UNC5C: variants seen among roughly 807,000 people sequenced by gnomAD.
UNC5C encodes the protein unc-5 netrin receptor C, also known as netrin receptor UNC5C.
A neutral mutation model predicts 99.8 loss-of-function variants in UNC5C; 47 were observed. The observed-to-expected ratio is 0.47, with a 90% CI of 0.37 to 0.60. UNC5C has a LOEUF of 0.60. Ranked by LOEUF, UNC5C falls within the 20% of genes least tolerant of loss-of-function variation. The pLI, the probability that UNC5C is intolerant of heterozygous loss-of-function variation, is 0.00. For missense variants in UNC5C, 1,062 were observed against 1,165.9 expected (o/e 0.91, Z 1.30); for synonymous variants, 487 against 452.2 (o/e 1.08, Z -0.98).
chr4:95,343,300 A>G (rs1196201420), intron 1 of UNC5C, among the ~76,000 whole-genome samples: 5 of 152,152 alleles, frequency 3.3e-5, no homozygotes, highest in Non-Finnish European at 5.9e-5. Context: ...AGCTCTAGGC[A>G]GCTCAGTAGA....
intron 1 of UNC5C, among the ~76,000 whole-genome samples, chr4:95,408,545 A>C (rs1261533860): frequency 6.6e-6 from 1 of 152,150 alleles, no homozygotes; most frequent in Non-Finnish European, 1.5e-5. Flanking sequence ...TCAATAGTAA[A>C]GCATTTGTTA....
intron 11 of UNC5C, 124 bp downstream of exon 11, chr4:95,206,504 A>G (rs1304161951): frequency 3.5e-6 from 5 of 1,409,012 alleles, no homozygotes; most frequent in Non-Finnish European, 3.9e-6. Flanking sequence ...TTTCTCTCTC[A>G]TTTTGAGGGT....
At chr4:95,240,959 A>G (rs1212620702) in intron 7 of UNC5C, among the ~76,000 whole-genome samples, 1 of 152,226 alleles carries the variant, frequency 6.6e-6, no homozygotes, top group Non-Finnish European at 1.5e-5. Context: ...AGTAGTAGGC[A>G]TTAAATCACC....
intron 11 of UNC5C, 149 bp from the exon 12 acceptor site, chr4:95,203,113 A>G: frequency 1.5e-6 from 1 of 657,260 alleles, no homozygotes; most frequent in Non-Finnish European, 2.6e-6. Context: ...ACTTGAGTTC[A>G]TCATTCTGTC....
chr4:95,377,669 C>T (rs1476093918), intron 1 of UNC5C, among the ~76,000 whole-genome samples: 1 of 152,060 alleles, frequency 6.6e-6, no homozygotes, highest in Non-Finnish European at 1.5e-5. Context: ...AAAGACCTCT[C>T]TCTAAGTCAT....
At chr4:95,430,832 C>T (rs1746616231) in intron 1 of UNC5C, among the ~76,000 whole-genome samples, 1 of 151,980 alleles carries the variant, frequency 6.6e-6, no homozygotes, top group Non-Finnish European at 1.5e-5. Flanking sequence ...CGTGAAAGAA[C>T]CCATGAATGG....
At chr4:95,242,050 G>A (rs538943982) in intron 7 of UNC5C, among the ~76,000 whole-genome samples, 4 of 151,934 alleles carry the variant, frequency 2.6e-5, no homozygotes, top group African/African-American at 4.8e-5. Flanking sequence ...GGACATTTTC[G>A]TTAGGTACCT....
chr4:95,284,709 G>C (rs1286367392), intron 3 of UNC5C, among the ~76,000 whole-genome samples: 3 of 152,170 alleles, frequency 2.0e-5, no homozygotes, highest in Admixed American at 6.6e-5. Context: ...CCTGATGATT[G>C]TAAATGCACT....
At chr4:95,320,422 CAA>C (rs34842898) in intron 2 of UNC5C, among the ~76,000 whole-genome samples, 1,671 of 94,948 alleles carry the variant, frequency 0.018, 39 homozygotes, top group African/African-American at 0.062. Flanking sequence ...AATTCCATCT[CAA>C]AAAAAAAAAA....
chr4:95,517,001 G>A (rs1283204162), intron 1 of UNC5C, among the ~76,000 whole-genome samples: 2 of 152,114 alleles, frequency 1.3e-5, no homozygotes, highest in African/African-American at 4.8e-5. Flanking sequence ...GGAAGGATGT[G>A]TTCATGGCTC....
At chr4:95,511,639 T>A (rs1224480914) in intron 1 of UNC5C, among the ~76,000 whole-genome samples, 1 of 152,142 alleles carries the variant, frequency 6.6e-6, no homozygotes, top group African/African-American at 2.4e-5. Context: ...GTTTCATGGA[T>A]ACAACAGTAA....
intron 2 of UNC5C, among the ~76,000 whole-genome samples, chr4:95,319,640 T>C (rs1483010754): frequency 6.6e-6 from 1 of 152,130 alleles, no homozygotes; most frequent in Non-Finnish European, 1.5e-5. Flanking sequence ...TGAGAATCAC[T>C]AGCTGAGGGA....
At chr4:95,459,490 C>T (rs1298732875) in intron 1 of UNC5C, among the ~76,000 whole-genome samples, 1 of 152,084 alleles carries the variant, frequency 6.6e-6, no homozygotes, top group Non-Finnish European at 1.5e-5. Flanking sequence ...AATGATTATA[C>T]ACATGTAATT....
chr4:95,408,012 T>C (rs985754432), intron 1 of UNC5C, among the ~76,000 whole-genome samples: 5 of 152,208 alleles, frequency 3.3e-5, no homozygotes, highest in African/African-American at 1.2e-4. Flanking sequence ...AGGAATTATT[T>C]GGCTTTTTAA....
chr4:95,427,041 AGAG>A lies in UNC5C; in HGVS notation c.125-91413_125-91411del, dbSNP rs763956784. On this transcript the variant is annotated intron_variant, in intron 1 of 15. Coordinates refer to ENST00000453304, the MANE Select transcript of UNC5C (RefSeq NM_003728.4). ...TGCCATGTAGGACTTTCATAGCTAG[AGAG>A]GAGAAGTGATCCTTATGAATGACTT... 2.6e-5 allele frequency among the ~76,000 whole-genome samples: 4 copies of A among 152,338 alleles called. No individual in the cohort carries two copies. In the South Asian group the frequency reaches 6.2e-4, roughly 24 times the overall value.
intron 1 of UNC5C, among the ~76,000 whole-genome samples, chr4:95,497,390 C>T (rs1721658596): frequency 6.6e-6 from 1 of 151,912 alleles, no homozygotes; most frequent in African/African-American, 2.4e-5. Flanking sequence ...AGCAGTTAAA[C>T]TTATTAATTC....
At position 95,164,796 on chromosome 4, in the gene UNC5C, A is replaced by G. The variant is rs1479054797; in HGVS notation, c.*4438T>C. 6.6e-6 allele frequency: 1 copy of G among 152,248 alleles called. No individual in the cohort carries two copies. The highest frequency in any genetic ancestry group is 1.5e-5 in the Non-Finnish European group (1 of 68,044). The allele number at this position is 152,248 out of a possible 1,614,324, so 9.4% of individuals were successfully genotyped here. A position where few individuals can be genotyped will look rare whatever the true frequency, so the allele number is the denominator to read the frequency against. On this transcript the variant is annotated 3_prime_UTR_variant, in exon 16 of 16. Coordinates refer to ENST00000453304, the MANE Select transcript of UNC5C (RefSeq NM_003728.4). ...ACACTGAGTTCTCCACATGAAACTG[A>G]TGACTTGTCCAGAACAACTGCCCAG... is the stretch of plus-strand genomic sequence containing the variant.
chr4:95,278,466 T>C (rs1740940032), intron 3 of UNC5C, 104 bp from the exon 4 acceptor site: 7 of 835,600 alleles, frequency 8.4e-6, no homozygotes, highest in South Asian at 3.3e-5. Flanking sequence ...CTGTGCTTTT[T>C]TTTCTTTCTT....
chr4:95,312,789 G>T (rs550150678), intron 2 of UNC5C, among the ~76,000 whole-genome samples: 1 of 152,056 alleles, frequency 6.6e-6, no homozygotes, highest in South Asian at 2.1e-4. Flanking sequence ...TATATTGAAG[G>T]CATTGGTCAG....
Sources: allele counts gnomAD v4.1 joint callset (sites outside exome capture counted in the v4.1 genomes callset), GRCh38; gene constraint gnomAD v4.1.1; transcripts MANE v1.5; gene names NCBI Gene and HGNC (gene_info 2026-07-23, HGNC 2026-07-21).